The following CDH11 variants were observed in gnomAD, a reference collection of about 807,000 sequenced individuals.
The protein encoded by CDH11 is cadherin-11.
A neutral mutation model predicts 67.8 loss-of-function variants in CDH11; 11 were observed. That is an observed-to-expected ratio of 0.16 (90% CI 0.10 to 0.27). The LOEUF (loss-of-function observed/expected upper bound fraction) is 0.27. CDH11 is among the 10% of genes least tolerant of loss of function. The pLI is 1.00. For synonymous variants in CDH11, 419 were observed against 400.0 expected (o/e 1.05, Z -0.57); for missense variants, 847 against 1,031.2 (o/e 0.82, Z 2.45).
At chr16:65,051,166 C>T (rs796367705) in intron 2 of CDH11, among the ~76,000 whole-genome samples, 7 of 152,124 alleles carry the variant, frequency 4.6e-5, no homozygotes, top group Non-Finnish European at 5.9e-5. Context: ...CTAGGATAAG[C>T]GTTTTCAATC....
chr16:65,071,816 G>T (rs896624958), intron 1 of CDH11, among the ~76,000 whole-genome samples: 1 of 152,176 alleles, frequency 6.6e-6, no homozygotes, highest in African/African-American at 2.4e-5. Flanking sequence ...CGAGCCGAAA[G>T]TACAGAAAGA....
intron 1 of CDH11, among the ~76,000 whole-genome samples, chr16:65,072,436 G>A (rs2074434237): frequency 6.6e-6 from 1 of 152,206 alleles, no homozygotes; most frequent in African/African-American, 2.4e-5. Context: ...CCCAGCCCAC[G>A]GCAGGGTCCC....
intron 2 of CDH11, among the ~76,000 whole-genome samples, chr16:65,033,154 G>A (rs1331723842): frequency 6.6e-6 from 1 of 151,852 alleles, no homozygotes; most frequent in Non-Finnish European, 1.5e-5. Flanking sequence ...CATCTAATAA[G>A]TGATACACCC....
Position 64,982,262 on chromosome 16 carries a change from C to A in CDH11, c.1039G>T (p.Val347Leu), listed in dbSNP as rs76181686. The part of the protein sequence containing the change: ...FETKRAYSLK[V>L]EAANVHIDPK... ...TCGATGTGCACGTTGGCTGCCTCTA[C>A]CTTCAAGCTATAGGCTCTTTTGGTT... The change falls in exon 8 of 13, where the codon GTA (valine) becomes TTA (leucine). Residue 347 changes from valine to leucine, a missense_variant. Around this residue, in one of 2 missense-constraint regions of CDH11, gnomAD observed 612 missense variants for 678.7 expected, o/e 0.90. Transcript: ENST00000268603. The A allele has an allele frequency of 6.2e-7, 1 of 1,612,428 alleles. No homozygotes were observed. The highest frequency in any genetic ancestry group is 1.7e-5 in the Admixed American group (1 of 60,006).
At chr16:65,045,882 A>G (rs2073953903) in intron 2 of CDH11, among the ~76,000 whole-genome samples, 3 of 152,136 alleles carry the variant, frequency 2.0e-5, no homozygotes, top group Admixed American at 6.5e-5. Context: ...GAGCATGCAC[A>G]TGTCTTGGCC....
rs2072006562 is a variant in CDH11, at chr16:64,971,595, T to C, written c.1626A>G (p.Thr542=). ...AGTACAAACCTCGGTTGTCTCTGAC[T>C]GTGAAATTTGGATTGTGAATGATTT... ...PPEIIHNPNF[T]VRDNRDNTAG... Residue 542 remains threonine, a synonymous_variant, in exon 11 of 13, where the codon ACA becomes ACG. Transcript: ENST00000268603. The C allele has an allele frequency of 6.2e-7, 1 of 1,610,432 alleles. No homozygotes were observed. The highest frequency in any genetic ancestry group is 8.5e-7 in the Non-Finnish European group (1 of 1,177,776).
intron 1 of CDH11, among the ~76,000 whole-genome samples, chr16:65,067,432 G>A (rs553475576): frequency 2.1e-4 from 32 of 152,296 alleles, no homozygotes; most frequent in Admixed American, 9.2e-4. Context: ...GTATGCTTTC[G>A]AGGGAAGCAG....
chr16:65,118,752 T>C (rs2075282380), intron 1 of CDH11: 1 of 152,218 alleles, frequency 6.6e-6, no homozygotes, highest in South Asian at 2.1e-4. Flanking sequence ...AAAAGTTTGA[T>C]ACCTACTTTC....
rs562012695 is a variant in CDH11, at chr16:64,995,275, G to A, written c.524-2241C>T. On this transcript the variant is annotated intron_variant, in intron 4 of 12. Coordinates refer to ENST00000268603, the MANE Select transcript of CDH11 (RefSeq NM_001797.4). ...CTCATATGGAACCAAAAAAGAGCCC[G>A]AATAGTCAAAGCAATCCTAAGCAAA... is the stretch of plus-strand genomic sequence containing the variant. 8.4e-4 allele frequency among the ~76,000 whole-genome samples: 127 copies of A among 151,980 alleles called. 1 individual carries two copies. Among genetic ancestry groups the A allele is most frequent in the African/African-American group, 2.6e-3 (108 of 41,492 alleles).
chr16:64,971,703 G>C lies in CDH11; in HGVS notation c.1525-7C>G. 1 of 1,580,564 alleles carries C rather than the reference G, an allele frequency of 6.3e-7. No homozygotes were observed. Among genetic ancestry groups the C allele is most frequent in the Non-Finnish European group, 8.7e-7 (1 of 1,150,530 alleles). On this transcript the variant is annotated splice_region_variant and splice_polypyrimidine_tract_variant and intron_variant, in intron 10 of 12. Transcript: ENST00000268603. The stretch of plus-strand genomic sequence containing the variant: ...CACTAATTGTAACAATTGGCTGAAA[G>C]AGAAAGGTGGCCCATAAATAAATCA...
Position 64,945,556 on chromosome 16 carries a change from C to A in CDH11, c.*2047G>T, listed in dbSNP as rs1000892736. The A allele has an allele frequency of 5.8e-6, 6 of 1,029,738 alleles. No individual in the cohort carries two copies. Among genetic ancestry groups the A allele is most frequent in the Non-Finnish European group, 5.8e-6 (5 of 856,390 alleles). The allele number at this position is 1,029,738 out of a possible 1,614,324, so 63.8% of individuals were successfully genotyped here. A position where few individuals can be genotyped will look rare whatever the true frequency, so the allele number is the denominator to read the frequency against. On this transcript the variant is annotated 3_prime_UTR_variant, in exon 13 of 13. Coordinates refer to ENST00000268603, the MANE Select transcript of CDH11 (RefSeq NM_001797.4). ...CAATTGGAGATCTGTGCAAATCTAG[C>A]AAAATATTCTTTGGATTACAAAAAC... is the stretch of plus-strand genomic sequence containing the variant.
rs1461031854 is a variant in CDH11, at chr16:65,038,720, A to C, written c.-173+15084T>G. ...GAGAAGGAGCCCAAAATAGAGATGA[A>C]GGCACAGAGAAAACACCTTGGACAC... is the stretch of plus-strand genomic sequence containing the variant. On this transcript the variant is annotated intron_variant, in intron 2 of 12. Transcript: ENST00000268603. Among the ~76,000 whole-genome samples, 2 of 152,222 alleles carry C rather than the reference A, an allele frequency of 1.3e-5. 1 individual carries two copies. Among genetic ancestry groups the C allele is most frequent in the Non-Finnish European group, 2.9e-5 (2 of 68,040 alleles).
At chr16:65,085,910 T>C (rs531326922) in intron 1 of CDH11, among the ~76,000 whole-genome samples, 2 of 152,338 alleles carry the variant, frequency 1.3e-5, no homozygotes, top group South Asian at 2.1e-4. Context: ...TTCTCCCAGA[T>C]ATTCTTTAGC....
At chr16:65,095,658 C>T (rs2074877236) in intron 1 of CDH11, among the ~76,000 whole-genome samples, 1 of 152,098 alleles carries the variant, frequency 6.6e-6, no homozygotes, top group Non-Finnish European at 1.5e-5. Flanking sequence ...AGCTACAATC[C>T]CATCTGTGGA....
At chr16:65,118,956 CAGATTTGAATATAAG>C (rs1412325750) in intron 1 of CDH11, 2 of 152,118 alleles carry the variant, frequency 1.3e-5, no homozygotes, top group Non-Finnish European at 2.9e-5. Flanking sequence ...GTTCTGAAAA[CAGATTTGAATATAAG>C]AGATCAAAGT....
chr16:65,084,270 C>T (rs183143573), intron 1 of CDH11, among the ~76,000 whole-genome samples: 1 of 152,190 alleles, frequency 6.6e-6, no homozygotes, highest in African/African-American at 2.4e-5. Flanking sequence ...GGGAGGATTG[C>T]TTGAGCCCAG....
At chr16:65,103,828 T>A (rs1391919763) in intron 1 of CDH11, among the ~76,000 whole-genome samples, 2 of 152,306 alleles carry the variant, frequency 1.3e-5, no homozygotes, top group Non-Finnish European at 2.9e-5. Flanking sequence ...ACATTAATAA[T>A]GTTACATTGA....
chr16:64,984,645 A>G (rs1306627008), intron 7 of CDH11: 13 of 152,234 alleles, frequency 8.5e-5, no homozygotes, highest in Non-Finnish European at 1.9e-4. Context: ...TTTGTTAGAT[A>G]TAATAGAAGG....
intron 1 of CDH11, among the ~76,000 whole-genome samples, chr16:65,114,786 T>G (rs2075215177): frequency 6.6e-6 from 1 of 152,104 alleles, no homozygotes; most frequent in East Asian, 1.9e-4. Flanking sequence ...GAGAAACAGT[T>G]GGAAACCATT....
Sources: allele counts gnomAD v4.1 joint callset (sites outside exome capture counted in the v4.1 genomes callset), GRCh38; gene constraint gnomAD v4.1.1; regional missense constraint gnomAD v4.1.1; transcripts MANE v1.5; gene names NCBI Gene and HGNC (gene_info 2026-07-23, HGNC 2026-07-21).